Variants in TRIM42 observed in about 807,000 individuals in gnomAD.
TRIM42 encodes the protein tripartite motif containing 42, also known as tripartite motif-containing protein 42.
A neutral mutation model predicts 64.9 loss-of-function variants in TRIM42; 59 were observed. The observed-to-expected ratio is 0.91, with a 90% CI of 0.74 to 1.13. TRIM42 has a LOEUF of 1.13. Among genes scored for constraint, TRIM42 ranks in the 50% most tolerant of loss-of-function variants. TRIM42 has a pLI of 0.00. For missense variants in TRIM42, 878 were observed against 929.5 expected (o/e 0.94, Z 0.72); for synonymous variants, 354 against 346.3 (o/e 1.02, Z -0.25).
intron 2 of TRIM42, 28 bp from the exon 3 acceptor site, chr3:140,687,694 A>T: frequency 1.3e-6 from 2 of 1,553,270 alleles, no homozygotes; most frequent in African/African-American, 2.8e-5. Context: ...TGAAAATTTT[A>T]AAAGTAACTA....
At chr3:140,685,952 T>C (rs1470553501) in intron 2 of TRIM42, among the ~76,000 whole-genome samples, 1 of 152,194 alleles carries the variant, frequency 6.6e-6, no homozygotes, top group African/African-American at 2.4e-5. Flanking sequence ...ACAACTAGTT[T>C]TAAGTGTATT....
intron 4 of TRIM42, among the ~76,000 whole-genome samples, chr3:140,694,987 G>C (rs1195016519): frequency 6.6e-6 from 1 of 152,138 alleles, no homozygotes; most frequent in African/African-American, 2.4e-5. Flanking sequence ...GCTCACACCT[G>C]TAATCCCACC....
At chr3:140,686,992 A>T (rs986306742) in intron 2 of TRIM42, among the ~76,000 whole-genome samples, 2 of 152,226 alleles carry the variant, frequency 1.3e-5, no homozygotes, top group Non-Finnish European at 2.9e-5. Flanking sequence ...CCTAAAAGAT[A>T]CATGGCATGT....
chr3:140,687,928 A>G lies in TRIM42; in HGVS notation c.1246A>G (p.Thr416Ala), dbSNP rs761721796. 1 of 1,614,150 alleles carries G rather than the reference A, an allele frequency of 6.2e-7. No homozygotes were observed. The highest frequency in any genetic ancestry group is 8.5e-7 in the Non-Finnish European group (1 of 1,180,006). The change falls in exon 3 of 5, where the codon ACA (threonine) becomes GCA (alanine). Residue 416 changes from threonine to alanine, a missense_variant. Transcript: ENST00000286349. ...QKEIEKYVYV[T>A]TMKVNEMDGL... is the part of the protein sequence containing the mutation. The stretch of plus-strand genomic sequence containing the variant: ...GGAAATTGAAAAATATGTGTATGTT[A>G]CAACCATGAAAGTGAACGAGATGGA...
chr3:140,700,799 G>C, intron 4 of TRIM42, 89 bp from the exon 5 acceptor site: 1 of 1,141,596 alleles, frequency 8.8e-7, no homozygotes, highest in South Asian at 1.3e-5. Context: ...TTAATGAAAT[G>C]ATGTGTGTAG....
chr3:140,701,047 ATT>A lies in TRIM42; in HGVS notation c.*77_*78del. 2.3e-6 allele frequency: 3 copies of A among 1,311,066 alleles called. No individual in the cohort carries two copies. The highest frequency in any genetic ancestry group is 2.5e-5 in the East Asian group (1 of 39,752). 81.2% of individuals were successfully genotyped at this position (1,311,066 alleles called of 1,614,324 possible). ...TATACACACACATATATGTATGTAT[ATT>A]TTTCTCACCACATTCTTCAAGGAGG... On this transcript the variant is annotated 3_prime_UTR_variant, in exon 5 of 5. Transcript: ENST00000286349.
intron 4 of TRIM42, among the ~76,000 whole-genome samples, chr3:140,695,598 G>C (rs767679347): frequency 1.3e-5 from 2 of 152,114 alleles, no homozygotes; most frequent in East Asian, 3.9e-4. Flanking sequence ...CAGCTGCCCT[G>C]AGTCTCTGCA....
intron 1 of TRIM42, among the ~76,000 whole-genome samples, chr3:140,682,198 T>A (rs1459516198): frequency 2.0e-5 from 3 of 152,142 alleles, no homozygotes; most frequent in African/African-American, 7.2e-5. Context: ...TAAACTCAAT[T>A]TTAATCTTCT....
At chr3:140,689,209 C>A (rs1201179066) in intron 3 of TRIM42, among the ~76,000 whole-genome samples, 3 of 152,214 alleles carry the variant, frequency 2.0e-5, no homozygotes, top group African/African-American at 7.2e-5. Flanking sequence ...CTTTAACATA[C>A]CTTTCAAATC....
At chr3:140,690,148 C>T (rs1238374804) in intron 3 of TRIM42, among the ~76,000 whole-genome samples, 1 of 152,090 alleles carries the variant, frequency 6.6e-6, no homozygotes, top group Non-Finnish European at 1.5e-5. Context: ...CTTAGCAATG[C>T]AGAAGATTAA....
intron 1 of TRIM42, chr3:140,680,543 T>G (rs1416458759): frequency 1.9e-5 from 5 of 257,312 alleles, no homozygotes; most frequent in African/African-American, 1.2e-4. Context: ...AGATACCTCC[T>G]GTGAAGGCCT....
At chr3:140,698,269 G>T (rs1367871135) in intron 4 of TRIM42, among the ~76,000 whole-genome samples, 1 of 152,160 alleles carries the variant, frequency 6.6e-6, no homozygotes, top group Non-Finnish European at 1.5e-5. Flanking sequence ...AATTTATTCA[G>T]AAGGCATTGT....
chr3:140,698,872 T>C (rs1988922562), intron 4 of TRIM42, among the ~76,000 whole-genome samples: 1 of 152,174 alleles, frequency 6.6e-6, no homozygotes, highest in African/African-American at 2.4e-5. Context: ...ATTTCTTTTT[T>C]CTTTCCTTAT....
At chr3:140,684,420 C>T (rs1988497060) in intron 2 of TRIM42, among the ~76,000 whole-genome samples, 1 of 152,200 alleles carries the variant, frequency 6.6e-6, no homozygotes, top group Non-Finnish European at 1.5e-5. Context: ...TACCAAAGTG[C>T]ACCAGATCAA....
chr3:140,678,117 C>A lies in TRIM42; in HGVS notation c.-113C>A. On this transcript the variant is annotated 5_prime_UTR_variant, in exon 1 of 5. The change creates a new upstream start codon in the 5' untranslated region. Transcript: ENST00000286349. Reference sequence around the variant, plus strand: ...CAGCCAACTTCTTGCAACTTTCAAGCTGACGGCCTCAGGAATGGGAGGAAG... The same window carrying A: ...CAGCCAACTTCTTGCAACTTTCAAGATGACGGCCTCAGGAATGGGAGGAAG... 2.0e-6 allele frequency: 2 copies of A among 995,646 alleles called. No individual in the cohort carries two copies. Among genetic ancestry groups the A allele is most frequent in the Non-Finnish European group, 3.1e-6 (2 of 653,746 alleles). The allele number at this position is 995,646 out of a possible 1,614,324, so 61.7% of individuals were successfully genotyped here.
At position 140,691,272 on chromosome 3, in the gene TRIM42, G is replaced by T. The variant is rs1988705779; in HGVS notation, c.2085+80G>T. ...TGAGGCCCTGTTAAGATGATCGTGA[G>T]ATTATAGAACTCACTATGGGACTCT... On this transcript the variant is annotated intron_variant, in intron 4 of 4. Coordinates refer to ENST00000286349, the MANE Select transcript of TRIM42 (RefSeq NM_152616.5). The T allele has an allele frequency of 4.9e-6, 6 of 1,215,790 alleles. No individual in the cohort carries two copies. In the Admixed American group the frequency reaches 8.8e-5, roughly 18 times the overall value. 75.3% of individuals were successfully genotyped at this position (1,215,790 alleles called of 1,614,324 possible).
At position 140,678,333 on chromosome 3, in the gene TRIM42, G is replaced by A. The variant is rs148678982; in HGVS notation, c.104G>A (p.Arg35Gln). Residue 35 changes from arginine to glutamine, a missense_variant, in exon 1 of 5, where the codon CGG (arginine) becomes CAG (glutamine). Transcript: ENST00000286349. ...LCCKFIFTSERNCTCFPCPYK... is the reference protein window; with the variant it reads ...LCCKFIFTSEQNCTCFPCPYK... ...TGCAAGTTCATCTTCACCTCAGAGC[G>A]GAACTGCACCTGCTTCCCCTGCCCT... 4.0e-5 allele frequency: 65 copies of A among 1,614,174 alleles called. No individual in the cohort carries two copies. The highest frequency in any genetic ancestry group is 1.5e-4 in the African/African-American group (11 of 75,028).
At chr3:140,678,624 C>A in intron 1 of TRIM42, 54 bp downstream of exon 1, 2 of 1,466,276 alleles carry the variant, frequency 1.4e-6, no homozygotes, top group African/African-American at 1.4e-5. Context: ...AACTAGGGAC[C>A]ACTTGCCAGC....
In TRIM42 at chr3:140,690,982, T is replaced by G; in HGVS notation, c.1875T>G (p.Cys625Trp). The G allele has an allele frequency of 6.2e-7, 1 of 1,613,744 alleles. No homozygotes were observed. Among genetic ancestry groups the G allele is most frequent in the South Asian group, 1.1e-5 (1 of 91,068 alleles). ...TTCTTCCATAGGTTTACTGGACATG[T>G]CCAGCAGAAGACGTGGACTCTTTTG... ...YPRAAKVYWT[C>W]PAEDVDSFEM... The change falls in exon 4 of 5, where the codon TGT becomes TGG. Residue 625 changes from cysteine (C) to tryptophan (W), a missense_variant. Coordinates refer to ENST00000286349, the MANE Select transcript of TRIM42 (RefSeq NM_152616.5).
Sources: gnomAD v4.1 joint callset for allele counts (sites outside exome capture counted in the v4.1 genomes callset) on GRCh38, gnomAD v4.1.1 for gene constraint, MANE v1.5 for transcripts, NCBI Gene and HGNC (gene_info 2026-07-23, HGNC 2026-07-21) for gene names.